Variants in FAM220A observed in about 807,000 individuals in gnomAD.
FAM220A encodes family with sequence similarity 220 member A.
For synonymous variants in FAM220A, 141 were observed against 130.7 expected (o/e 1.08, Z -0.54); for missense variants, 392 against 321.6 (o/e 1.22, Z -1.68).
intron 1 of FAM220A, among the ~76,000 whole-genome samples, chr7:6,332,967 T>C (rs1384282148): frequency 6.6e-6 from 1 of 151,870 alleles, no homozygotes; most frequent in Admixed American, 6.6e-5. Context: ...GAGACAAGCA[T>C]GGTCAACATG....
chr7:6,334,092 C>T (rs1781699661), intron 1 of FAM220A, among the ~76,000 whole-genome samples: 1 of 151,264 alleles, frequency 6.6e-6, no homozygotes, highest in South Asian at 2.1e-4. Context: ...GTGATCCGCC[C>T]ACCTTGGCCT....
At chr7:6,332,252 C>A (rs1364114343) in intron 1 of FAM220A, among the ~76,000 whole-genome samples, 2 of 152,022 alleles carry the variant, frequency 1.3e-5, no homozygotes, top group African/African-American at 4.8e-5. Flanking sequence ...TGCTTTACAA[C>A]TCTGTCATTT....
chr7:6,339,554 G>A (rs1438276442), intron 1 of FAM220A, among the ~76,000 whole-genome samples: 2 of 151,710 alleles, frequency 1.3e-5, no homozygotes, highest in Non-Finnish European at 2.9e-5. Context: ...AGCAATCTCA[G>A]CTCACTGCAA....
chr7:6,339,906 C>A (rs4724797), intron 1 of FAM220A, among the ~76,000 whole-genome samples: 86,719 of 150,668 alleles, frequency 0.58, 25,919 homozygotes, highest in East Asian at 0.9. Context: ...CCGCAGGGAG[C>A]ATGAGTCTCA....
rs1380193866 is a variant in FAM220A, at chr7:6,330,790, A to C, written c.365T>G (p.Val122Gly). The C allele has an allele frequency of 1.9e-6, 3 of 1,614,018 alleles. No homozygotes were observed. Among genetic ancestry groups the C allele is most frequent in the East Asian group, 4.5e-5 (2 of 44,888 alleles). The change falls in exon 2 of 2, where the codon GTT becomes GGT. Residue 122 changes from valine to glycine, a missense_variant. Coordinates refer to ENST00000313324, the MANE Select transcript of FAM220A (RefSeq NM_001037163.2). The stretch of plus-strand genomic sequence containing the variant: ...CCAGTCTCGCCGCCCCAGAGCTTCA[A>C]CACCACTGCAGGACACCCGAGCAAA... ...ECFARVSCSG[V>G]EALGRRDWLG...
chr7:6,330,824 T>C lies in FAM220A; in HGVS notation c.331A>G (p.Thr111Ala), dbSNP rs1401063088. ...CAGGACACCCGAGCAAAACACTCTG[T>C]TGGAGCAGGGAACAAACCCACGGCT... ...STAVGLFPAP[T>A]ECFARVSCSG... Residue 111 changes from threonine (T) to alanine (A), a missense_variant, in exon 2 of 2, where the codon ACA (threonine) becomes GCA (alanine). Transcript: ENST00000313324. The C allele has an allele frequency of 6.2e-7, 1 of 1,614,190 alleles. No homozygotes were observed. Among genetic ancestry groups the C allele is most frequent in the South Asian group, 1.1e-5 (1 of 91,090 alleles).
Position 6,338,934 on chromosome 7 carries a change from C to G in FAM220A, c.-81-7699G>C, listed in dbSNP as rs571925556. 1.9e-3 allele frequency among the ~76,000 whole-genome samples: 292 copies of G among 152,300 alleles called. 2 individuals are homozygous for G. The highest frequency in any genetic ancestry group is 6.7e-3 in the African/African-American group (280 of 41,570). ...GCCGCACGCAAGGAGAGCTCACACA[C>G]GCTCCCAGATGGGCCAGCTCCACAC... On this transcript the variant is annotated intron_variant, in intron 1 of 1. Coordinates refer to ENST00000313324, the MANE Select transcript of FAM220A (RefSeq NM_001037163.2).
intron 1 of FAM220A, among the ~76,000 whole-genome samples, chr7:6,340,921 T>C (rs1781841047): frequency 1.0e-5 from 1 of 99,266 alleles, no homozygotes; most frequent in Non-Finnish European, 1.9e-5. Flanking sequence ...AAAAAAATTA[T>C]GAAAGCTGTC....
chr7:6,333,699 T>C (rs895583453), intron 1 of FAM220A, among the ~76,000 whole-genome samples: 2 of 151,266 alleles, frequency 1.3e-5, no homozygotes, highest in Non-Finnish European at 2.9e-5. Context: ...CAGAAGTTTA[T>C]TACAAAGCTC....
Position 6,331,044 on chromosome 7 carries a change from G to C in FAM220A, c.111C>G (p.Gly37=). Residue 37 remains glycine (G), a synonymous_variant, in exon 2 of 2, where the codon GGC becomes GGG. Coordinates refer to ENST00000313324, the MANE Select transcript of FAM220A (RefSeq NM_001037163.2). ...AGGAGGGTGCATCTGCAGGCCAAGG[G>C]CCCTCCGGCATTCTTTTCTTAAGGC... The part of the protein sequence containing the change: ...SCSLKKRMPE[G]PWPADAPSWM... 6.2e-7 allele frequency: 1 copy of C among 1,613,920 alleles called. No individual in the cohort carries two copies. Among genetic ancestry groups the C allele is most frequent in the Non-Finnish European group, 8.5e-7 (1 of 1,180,040 alleles).
intron 1 of FAM220A, among the ~76,000 whole-genome samples, chr7:6,341,410 C>T (rs1461352601): frequency 1.3e-5 from 2 of 151,152 alleles, no homozygotes; most frequent in Non-Finnish European, 2.9e-5. Flanking sequence ...CCACTGTACT[C>T]CAGCCTGGGT....
chr7:6,344,773 C>G (rs777516320), intron 1 of FAM220A, among the ~76,000 whole-genome samples: 1 of 152,106 alleles, frequency 6.6e-6, no homozygotes, highest in East Asian at 1.9e-4. Flanking sequence ...CGGAGTCTCA[C>G]TGTGTTGCCC....
chr7:6,337,132 C>T (rs193059992), intron 1 of FAM220A, among the ~76,000 whole-genome samples: 38 of 150,836 alleles, frequency 2.5e-4, no homozygotes, highest in African/African-American at 2.9e-4. Flanking sequence ...AGTGCAGTGG[C>T]GCAATCTCAG....
Position 6,330,903 on chromosome 7 carries a change from T to C in FAM220A, c.252A>G (p.Pro84=), listed in dbSNP as rs1198075224. The C allele has an allele frequency of 1.9e-6, 3 of 1,614,180 alleles. No individual in the cohort carries two copies. The highest frequency in any genetic ancestry group is 1.1e-5 in the South Asian group (1 of 91,090). ...TTCTTCTTACTGATTCTCTCACATA[T>C]GGAAGCACTGGGCCGCCACTGTGAA... ...LWLHSGGPVL[P]YVRESVRRNP... is the part of the protein sequence containing the mutation. The change falls in exon 2 of 2, where the codon CCA becomes CCG. Residue 84 remains proline (P), a synonymous_variant. Transcript: ENST00000313324.
At chr7:6,344,303 G>C (rs1781918685) in intron 1 of FAM220A, among the ~76,000 whole-genome samples, 1 of 152,228 alleles carries the variant, frequency 6.6e-6, no homozygotes, top group African/African-American at 2.4e-5. Flanking sequence ...AAACCTGCAG[G>C]GGAGTTTAAA....
chr7:6,331,378 GT>G, intron 1 of FAM220A, 143 bp from the exon 2 acceptor site: 1 of 601,026 alleles, frequency 1.7e-6, no homozygotes, highest in South Asian at 2.2e-5. Context: ...GGTAAGGCTG[GT>G]TTTGAACTCC....
chr7:6,344,750 A>T (rs962649020), intron 1 of FAM220A, among the ~76,000 whole-genome samples: 3 of 150,880 alleles, frequency 2.0e-5, no homozygotes, highest in Non-Finnish European at 3.0e-5. Flanking sequence ...TTTTATTATT[A>T]TTTTTTTGGA....
chr7:6,336,226 G>C (rs1314286935), intron 1 of FAM220A, among the ~76,000 whole-genome samples: 1 of 151,236 alleles, frequency 6.6e-6, no homozygotes, highest in Non-Finnish European at 1.5e-5. Flanking sequence ...CACACCTGTA[G>C]TCCCAGTCAC....
In FAM220A at chr7:6,337,587, A is replaced by T. The variant is rs72583243; in HGVS notation, c.-81-6352T>A. 0.034 allele frequency among the ~76,000 whole-genome samples: 4,652 copies of T among 138,210 alleles called. 445 individuals carry two copies. In the East Asian group the frequency reaches 0.44, roughly 13 times the overall value. The allele number at this position is 138,210 out of a possible 152,430, so 90.7% of individuals were successfully genotyped here. A position where few individuals can be genotyped will look rare whatever the true frequency, so the allele number is the denominator to read the frequency against. ...AAAGTACTTTAAATACAGTACCATT[A>T]TTTTTTTTCATTTCCTTAGCAAACT... On this transcript the variant is annotated intron_variant, in intron 1 of 1. Coordinates refer to ENST00000313324, the MANE Select transcript of FAM220A (RefSeq NM_001037163.2).
Sources: gnomAD v4.1 joint callset for allele counts (sites outside exome capture counted in the v4.1 genomes callset) on GRCh38, gnomAD v4.1.1 for gene constraint, MANE v1.5 for transcripts, NCBI Gene and HGNC (gene_info 2026-07-23, HGNC 2026-07-21) for gene names.